FMN1: variants seen among roughly 807,000 people sequenced by gnomAD.
FMN1 encodes the protein formin-1.
In FMN1, 110 loss-of-function variants were observed where a neutral mutation model predicts 132.4. The ratio of observed to expected loss-of-function variants is 0.83; its 90% CI spans 0.71 to 0.97. FMN1 has a LOEUF of 0.97. FMN1 is among the 50% of genes least tolerant of loss of function. The probability of loss-of-function intolerance (pLI) is 0.00; values close to 1 mark genes in which losing one functional copy is unlikely to be tolerated. For synonymous variants in FMN1, 722 were observed against 651.7 expected (o/e 1.11, Z -1.64); for missense variants, 1,792 against 1,705.3 (o/e 1.05, Z -0.90).
intron 4 of FMN1, among the ~76,000 whole-genome samples, chr15:33,127,549 A>T (rs1222400795): frequency 6.6e-6 from 1 of 152,282 alleles, no homozygotes; most frequent in Non-Finnish European, 1.5e-5. Flanking sequence ...GTTTTTAAAC[A>T]GTGAACCTTT....
At chr15:33,181,668 A>G (rs1411912010) in intron 2 of FMN1, among the ~76,000 whole-genome samples, 2 of 151,694 alleles carry the variant, frequency 1.3e-5, no homozygotes, top group African/African-American at 4.8e-5. Flanking sequence ...TTGCGGAGAG[A>G]CAAGATCTGA....
At chr15:33,173,810 T>G (rs1310454671) in intron 3 of FMN1, among the ~76,000 whole-genome samples, 1 of 152,150 alleles carries the variant, frequency 6.6e-6, no homozygotes, top group African/African-American at 2.4e-5. Flanking sequence ...GTGCCTGTTA[T>G]CCCAACTACT....
intron 4 of FMN1, among the ~76,000 whole-genome samples, chr15:33,125,278 A>ATAAT (rs1365805999): frequency 3.3e-5 from 5 of 152,214 alleles, no homozygotes; most frequent in Non-Finnish European, 7.3e-5. Context: ...AAGTTTAGAG[A>ATAAT]TAATACATAG....
At chr15:33,106,126 G>A (rs770974773) in intron 4 of FMN1, 1 of 152,070 alleles carries the variant, frequency 6.6e-6, no homozygotes, top group Non-Finnish European at 1.5e-5. Flanking sequence ...ATAAATGGCA[G>A]AAAATATCCA....
intron 7 of FMN1, among the ~76,000 whole-genome samples, chr15:32,985,384 C>T (rs927493401): frequency 8.5e-5 from 13 of 152,096 alleles, no homozygotes; most frequent in African/African-American, 3.1e-4. Flanking sequence ...AATATGTCAA[C>T]TTTATGGGGA....
chr15:33,191,026 C>T (rs1051164625), intron 2 of FMN1, among the ~76,000 whole-genome samples: 2 of 152,102 alleles, frequency 1.3e-5, no homozygotes, highest in Admixed American at 1.3e-4. Flanking sequence ...AAAAATTAGC[C>T]AGGCGTGGTG....
At chr15:32,898,712 C>A (rs545036644) in intron 15 of FMN1, 122 bp downstream of exon 15, 8 of 655,172 alleles carry the variant, frequency 1.2e-5, no homozygotes, top group Admixed American at 9.9e-5. Context: ...GTAAACCACG[C>A]TGGAGAGCTC....
chr15:32,953,622 T>C (rs1284633332), intron 9 of FMN1, among the ~76,000 whole-genome samples: 1 of 152,102 alleles, frequency 6.6e-6, no homozygotes, highest in Non-Finnish European at 1.5e-5. Context: ...AGCCAGACTA[T>C]CCTAGGAAGT....
At chr15:32,777,496 CGTAT>C (rs1348439436) in intron 19 of FMN1, among the ~76,000 whole-genome samples, 1 of 143,126 alleles carries the variant, frequency 7.0e-6, no homozygotes. Context: ...TTATATATTA[CGTAT>C]AACATATAAC....
At chr15:33,003,707 T>A (rs945048109) in intron 7 of FMN1, among the ~76,000 whole-genome samples, 21 of 152,162 alleles carry the variant, frequency 1.4e-4, no homozygotes, top group African/African-American at 5.1e-4. Flanking sequence ...AAAGTTCACA[T>A]GGAACCAAAA....
chr15:33,095,581 G>T (rs1198641866), intron 4 of FMN1, among the ~76,000 whole-genome samples: 1 of 151,768 alleles, frequency 6.6e-6, no homozygotes, highest in Non-Finnish European at 1.5e-5. Context: ...TTTTTTTGTA[G>T]AGATAGACTC....
intron 19 of FMN1, among the ~76,000 whole-genome samples, chr15:32,796,187 A>G (rs2140966772): frequency 6.6e-6 from 1 of 152,344 alleles, no homozygotes; most frequent in South Asian, 2.1e-4. Flanking sequence ...AATATTCACC[A>G]CCACCTAAAA....
At chr15:33,057,482 T>C (rs981457793) in intron 6 of FMN1, among the ~76,000 whole-genome samples, 2 of 152,194 alleles carry the variant, frequency 1.3e-5, no homozygotes, top group African/African-American at 4.8e-5. Context: ...ACAATAATTG[T>C]TTAAAATTAT....
rs558677265 is a variant in FMN1 at position 33,013,554 on chromosome 15, A to G, written c.2162-5479T>C. On this transcript the variant is annotated intron_variant, in intron 6 of 20. Coordinates refer to ENST00000616417, the MANE Select transcript of FMN1 (RefSeq NM_001277313.2). ...AATGAAAAATTATTCTTTAAATTGG[A>G]TATTTTTTACGAAATTATCTTTATG... Among the ~76,000 whole-genome samples the G allele has an allele frequency of 5.3e-5, 8 of 152,338 alleles. No individual in the cohort carries two copies. In the South Asian group the frequency reaches 8.3e-4, roughly 16 times the overall value.
intron 4 of FMN1, among the ~76,000 whole-genome samples, chr15:33,101,630 T>A (rs927478804): frequency 1.3e-5 from 2 of 152,158 alleles, no homozygotes; most frequent in Admixed American, 1.3e-4. Flanking sequence ...AATTCTATTT[T>A]AAACCAAAAA....
intron 8 of FMN1, among the ~76,000 whole-genome samples, chr15:32,965,423 C>G (rs976516625): frequency 2.6e-5 from 4 of 152,040 alleles, no homozygotes; most frequent in Non-Finnish European, 5.9e-5. Flanking sequence ...ATAATAAATA[C>G]TATCAATGCC....
At chr15:33,064,788 A>T in intron 6 of FMN1, 169 bp downstream of exon 6, 1 of 467,774 alleles carries the variant, frequency 2.1e-6, no homozygotes, top group Non-Finnish European at 3.8e-6. Flanking sequence ...AGGCTCGTTA[A>T]CAATAAGTGT....
rs141790531 is a variant in FMN1, at chr15:33,036,952, T to C, written c.2161+28005A>G. Among the ~76,000 whole-genome samples, 70 of 152,362 alleles carry C rather than the reference T, an allele frequency of 4.6e-4. No homozygotes were observed. The East Asian group carries it at 0.013, about 29-fold the overall frequency. ...ATAAAAGCAATGAGAGCATACTCTA[T>C]AGAATTTAGGAGACAAAGGAGAATC... On this transcript the variant is annotated intron_variant, in intron 6 of 20. Transcript: ENST00000616417.
At chr15:32,998,448 G>T (rs568926359) in intron 7 of FMN1, among the ~76,000 whole-genome samples, 1 of 152,310 alleles carries the variant, frequency 6.6e-6, no homozygotes, top group South Asian at 2.1e-4. Context: ...GAACTTTGAA[G>T]CTAGAAGGAA....
Sources: gnomAD v4.1 joint callset for allele counts (sites outside exome capture counted in the v4.1 genomes callset) on GRCh38, gnomAD v4.1.1 for gene constraint, MANE v1.5 for transcripts, NCBI Gene and HGNC (gene_info 2026-07-23, HGNC 2026-07-21) for gene names.